Variants in MAP2K1 observed in about 807,000 individuals in gnomAD.
MAP2K1 encodes mitogen-activated protein kinase kinase 1.
Under a neutral mutation model 46.3 loss-of-function variants are expected in MAP2K1, and 16 were observed. The ratio of observed to expected loss-of-function variants is 0.35; its 90% confidence interval spans 0.23 to 0.52. The LOEUF is 0.52. Among genes scored for constraint, MAP2K1 ranks in the 20% least tolerant of loss-of-function variants. The pLI is 0.94. For missense variants in MAP2K1, 263 were observed against 497.1 expected, an observed-to-expected ratio of 0.53 and a Z score of 4.48; for synonymous variants, 183 against 185.6, an observed-to-expected ratio of 0.99 and a Z score of 0.11.
chr15:66,436,127 C>T (rs1476418906), intron 2 of MAP2K1, among the ~76,000 whole-genome samples: 3 of 152,146 alleles, frequency 2.0e-5, no homozygotes, highest in East Asian at 3.9e-4. Flanking sequence ...TCTAGGTCCA[C>T]CTCTTGTCTA....
chr15:66,455,768 G>C (rs1892151037), intron 5 of MAP2K1, among the ~76,000 whole-genome samples: 1 of 152,200 alleles, frequency 6.6e-6, no homozygotes, highest in Non-Finnish European at 1.5e-5. Flanking sequence ...TAATGGAGCA[G>C]GACTTCTTGG....
intron 1 of MAP2K1, among the ~76,000 whole-genome samples, chr15:66,395,650 C>T (rs913293591): frequency 2.0e-5 from 3 of 149,920 alleles, no homozygotes; most frequent in South Asian, 2.1e-4. Context: ...GATCTTGGCT[C>T]ACTGCAACCT....
At chr15:66,443,395 T>C (rs376919469) in intron 4 of MAP2K1, 38 bp downstream of exon 4, 129 of 1,249,236 alleles carry the variant, frequency 1.0e-4, no homozygotes, top group Non-Finnish European at 1.3e-4. Context: ...AAGTTCCTCA[T>C]TGATAAGTTA....
chr15:66,447,657 C>G (rs1194649884), intron 5 of MAP2K1, among the ~76,000 whole-genome samples: 2 of 147,440 alleles, frequency 1.4e-5, no homozygotes, highest in African/African-American at 5.1e-5. Context: ...TGCCATTGCA[C>G]TCTAGCCTGG....
intron 1 of MAP2K1, among the ~76,000 whole-genome samples, chr15:66,433,710 G>T (rs944794418): frequency 6.6e-5 from 10 of 152,102 alleles, no homozygotes; most frequent in Non-Finnish European, 1.0e-4. Context: ...GTGTGTGTTG[G>T]CAGGAACACC....
intron 1 of MAP2K1, among the ~76,000 whole-genome samples, chr15:66,427,567 A>AAAT (rs1375269987): frequency 1.3e-5 from 2 of 152,084 alleles, no homozygotes; most frequent in Non-Finnish European, 2.9e-5. Context: ...CCAAAAAAAA[A>AAAT]AATAATAATA....
At chr15:66,478,569 G>A (rs1892837221) in intron 5 of MAP2K1, among the ~76,000 whole-genome samples, 1 of 150,420 alleles carries the variant, frequency 6.6e-6, no homozygotes, top group Admixed American at 6.7e-5. Flanking sequence ...CACGATCTCG[G>A]CTCATTGCAA....
intron 4 of MAP2K1, among the ~76,000 whole-genome samples, chr15:66,444,195 G>A (rs1443367955): frequency 1.3e-5 from 2 of 149,634 alleles, no homozygotes; most frequent in Non-Finnish European, 3.0e-5. Flanking sequence ...CTGAGATCAC[G>A]GCACTGCACT....
At chr15:66,458,604 C>T (rs1482971708) in intron 5 of MAP2K1, among the ~76,000 whole-genome samples, 1 of 152,192 alleles carries the variant, frequency 6.6e-6, no homozygotes, top group Non-Finnish European at 1.5e-5. Flanking sequence ...GCATCCTCAA[C>T]CTCCCCAGCT....
intron 1 of MAP2K1, among the ~76,000 whole-genome samples, chr15:66,395,014 A>C (rs2093364261): frequency 6.6e-6 from 1 of 152,220 alleles, no homozygotes; most frequent in African/African-American, 2.4e-5. Context: ...GAATATAAAC[A>C]CTCACAGAAT....
At chr15:66,418,626 C>G (rs1242137268) in intron 1 of MAP2K1, among the ~76,000 whole-genome samples, 1 of 152,282 alleles carries the variant, frequency 6.6e-6, no homozygotes, top group South Asian at 2.1e-4. Context: ...GTGGTCACCA[C>G]CAGACCCAGG....
At chr15:66,424,333 C>A (rs1235880733) in intron 1 of MAP2K1, among the ~76,000 whole-genome samples, 1 of 152,222 alleles carries the variant, frequency 6.6e-6, no homozygotes, top group Non-Finnish European at 1.5e-5. Flanking sequence ...GCTGGGATTA[C>A]AGGCATGAGC....
chr15:66,477,724 G>A lies in MAP2K1; in HGVS notation c.569-4031G>A, dbSNP rs77200676. Among the ~76,000 whole-genome samples the A allele has an allele frequency of 3.5e-4, 53 of 152,286 alleles. No homozygotes were observed. In the East Asian group the frequency reaches 9.1e-3, roughly 26 times the overall value. On this transcript the variant is annotated intron_variant, in intron 5 of 10. Coordinates refer to ENST00000307102, the MANE Select transcript of MAP2K1 (RefSeq NM_002755.4). Reference sequence around the variant, plus strand: ...ACAGCCCATGGGGAGAGTGTGGGCCGGGTGAGGGAGCCTGGTGCCGTGTGG... The same window carrying A: ...ACAGCCCATGGGGAGAGTGTGGGCCAGGTGAGGGAGCCTGGTGCCGTGTGG...
chr15:66,484,960 G>GGT, intron 6 of MAP2K1, 30 bp from the exon 7 acceptor site: 6 of 1,590,956 alleles, frequency 3.8e-6, no homozygotes, highest in Non-Finnish European at 5.2e-6. Context: ...AGTTAGGTTA[G>GGT]GTGATTATCA....
At chr15:66,454,480 G>A (rs1331454169) in intron 5 of MAP2K1, among the ~76,000 whole-genome samples, 1 of 152,192 alleles carries the variant, frequency 6.6e-6, no homozygotes, top group Non-Finnish European at 1.5e-5. Flanking sequence ...TTAACATGTA[G>A]TAGGCACTTA....
In MAP2K1 at chr15:66,400,183, G is replaced by T. The variant is rs187582197; in HGVS notation, c.80+12756G>T. Among the ~76,000 whole-genome samples the T allele has an allele frequency of 3.1e-4, 47 of 152,032 alleles. No individual in the cohort carries two copies. In the East Asian group the frequency reaches 8.3e-3, roughly 27 times the overall value. ...AAACTAGCAAAAAAAAACCTTTTCT[G>T]CTGGCTTTTCTTTTCTTTTCATTTA... On this transcript the variant is annotated intron_variant, in intron 1 of 10. Coordinates refer to ENST00000307102, the MANE Select transcript of MAP2K1 (RefSeq NM_002755.4).
At chr15:66,453,612 C>T (rs1892092569) in intron 5 of MAP2K1, 1 of 701,356 alleles carries the variant, frequency 1.4e-6, no homozygotes, top group Non-Finnish European at 2.6e-6. Flanking sequence ...TTGTCCCTGC[C>T]TATGGGCTTC....
chr15:66,466,761 A>G (rs1434871461), intron 5 of MAP2K1, among the ~76,000 whole-genome samples: 2 of 152,214 alleles, frequency 1.3e-5, no homozygotes, highest in African/African-American at 2.4e-5. Flanking sequence ...ACAAAGAATC[A>G]GCAGCATTTA....
intron 1 of MAP2K1, among the ~76,000 whole-genome samples, chr15:66,387,702 A>C (rs550547816): frequency 1.3e-5 from 2 of 152,306 alleles, no homozygotes; most frequent in East Asian, 3.9e-4. Flanking sequence ...TCTCCCAAGA[A>C]AATAAAAGCT....
Sources: gnomAD v4.1 joint callset for allele counts (sites outside exome capture counted in the v4.1 genomes callset) on GRCh38, gnomAD v4.1.1 for gene constraint, MANE v1.5 for transcripts, NCBI Gene and HGNC (gene_info 2026-07-23, HGNC 2026-07-21) for gene names.